Variants in NEK7 observed in about 807,000 individuals in gnomAD.
The protein encoded by NEK7 is NIMA related kinase 7, also known as serine/threonine-protein kinase Nek7.
Under a neutral mutation model 44.6 loss-of-function variants are expected in NEK7, and 18 were observed. The ratio of observed to expected loss-of-function variants is 0.40; its 90% confidence interval spans 0.28 to 0.60. NEK7 has a LOEUF of 0.60. Among genes scored for constraint, NEK7 ranks in the 20% least tolerant of loss-of-function variants. NEK7 has a pLI of 0.38. For missense variants in NEK7, 256 were observed against 366.5 expected, an observed-to-expected ratio of 0.70 and a Z score of 2.46; for synonymous variants, 130 against 121.1, an observed-to-expected ratio of 1.07 and a Z score of -0.48.
chr1:198,313,785 G>A (rs1655264406), intron 9 of NEK7, among the ~76,000 whole-genome samples: 1 of 150,234 alleles, frequency 6.7e-6, no homozygotes, highest in Non-Finnish European at 1.5e-5. Context: ...CTTCTGGCTT[G>A]TAGAGTTTCT....
In NEK7 at chr1:198,319,901, C is replaced by A. The variant is rs1376173857; in HGVS notation, c.*379C>A. 1 of 156,222 alleles carries A rather than the reference C, an allele frequency of 6.4e-6. No homozygotes were observed. Among genetic ancestry groups the A allele is most frequent in the Non-Finnish European group, 1.4e-5 (1 of 70,798 alleles). 9.7% of individuals were successfully genotyped at this position (156,222 alleles called of 1,614,324 possible). On this transcript the variant is annotated 3_prime_UTR_variant, in exon 10 of 10. Coordinates refer to ENST00000367385, the MANE Select transcript of NEK7 (RefSeq NM_133494.3). ...TCATACCTGAGAAAAAGTATCTGAA[C>A]ATGTGACTTGTTTCTTTTTTAGTAA...
chr1:198,240,025 G>A (rs1666639498), intron 2 of NEK7, among the ~76,000 whole-genome samples: 1 of 152,176 alleles, frequency 6.6e-6, no homozygotes, highest in Non-Finnish European at 1.5e-5. Context: ...TAAAAATATG[G>A]TTTTGTAATC....
chr1:198,190,299 A>G (rs9628685), intron 1 of NEK7, among the ~76,000 whole-genome samples: 1,975 of 152,164 alleles, frequency 0.013, 35 homozygotes, highest in African/African-American at 0.045. Flanking sequence ...AGACTCCTCT[A>G]AATTTCAGCG....
intron 5 of NEK7, among the ~76,000 whole-genome samples, chr1:198,272,854 C>A (rs1281924311): frequency 6.6e-6 from 1 of 151,566 alleles, no homozygotes; most frequent in Non-Finnish European, 1.5e-5. Flanking sequence ...ATTGATGTAC[C>A]AGTTTTCAGG....
At chr1:198,264,835 G>A (rs1442846643) in intron 5 of NEK7, among the ~76,000 whole-genome samples, 1 of 151,824 alleles carries the variant, frequency 6.6e-6, no homozygotes, top group African/African-American at 2.4e-5. Context: ...TTGTCCTTGG[G>A]CCAGTTACTT....
intron 2 of NEK7, among the ~76,000 whole-genome samples, chr1:198,239,809 T>G (rs1370095533): frequency 1.3e-5 from 2 of 152,182 alleles, no homozygotes; most frequent in African/African-American, 2.4e-5. Flanking sequence ...AACTGCATTG[T>G]CAGGCAAGTT....
chr1:198,247,947 C>T (rs1171018061), intron 2 of NEK7, among the ~76,000 whole-genome samples: 1 of 152,120 alleles, frequency 6.6e-6, no homozygotes, highest in East Asian at 1.9e-4. Context: ...AGAGTTTAAG[C>T]TGAATGTAAT....
rs553552717 is a variant in NEK7, at chr1:198,220,320, T to G, written c.-28-12233T>G. Among the ~76,000 whole-genome samples the G allele has an allele frequency of 5.3e-5, 8 of 152,094 alleles. No individual in the cohort carries two copies. The East Asian group carries it at 1.5e-3, about 29-fold the overall frequency. On this transcript the variant is annotated intron_variant, in intron 1 of 9. Coordinates refer to ENST00000367385, the MANE Select transcript of NEK7 (RefSeq NM_133494.3). ...TGTTTCAGACTCAGCTTGTTCTTTCTCAGCCTGAGTCCTAGAACCAATCAT... is the reference window on the plus strand; with the variant it reads ...TGTTTCAGACTCAGCTTGTTCTTTCGCAGCCTGAGTCCTAGAACCAATCAT...
At position 198,253,140 on chromosome 1, in the gene NEK7, G is replaced by T; in HGVS notation, c.158G>T (p.Cys53Phe). The change falls in exon 3 of 10, where the codon TGT becomes TTT. Residue 53 changes from cysteine to phenylalanine, a missense_variant. Physicochemically the swap from Cys to Phe is radical, Grantham distance 205. Transcript: ENST00000367385. ...TTTAGTGAAGTTTATAGAGCAGCCT[G>T]TCTCTTGGATGGAGTACCAGTAGCT... ...GQFSEVYRAA[C>F]LLDGVPVALK... 1 of 1,611,656 alleles carries T rather than the reference G, an allele frequency of 6.2e-7. No individual in the cohort carries two copies. The highest frequency in any genetic ancestry group is 8.5e-7 in the Non-Finnish European group (1 of 1,178,162).
In NEK7 at chr1:198,308,211, A is replaced by G. The variant is rs1486788305; in HGVS notation, c.798+10971A>G. On this transcript the variant is annotated intron_variant, in intron 9 of 9. Transcript: ENST00000367385. ...ACACATGAGTATTGAAGAGAAGCAT[A>G]CAATTAAAAATAATTGTTTAATATA... 2.0e-5 allele frequency among the ~76,000 whole-genome samples: 3 copies of G among 152,218 alleles called. No individual in the cohort carries two copies. The East Asian group carries it at 5.8e-4, about 29-fold the overall frequency.
intron 1 of NEK7, chr1:198,206,973 C>T (rs1489298791): frequency 6.6e-6 from 1 of 152,034 alleles, no homozygotes; most frequent in Non-Finnish European, 1.5e-5. Flanking sequence ...ATTTTAAGTC[C>T]ATTCTAATTC....
intron 2 of NEK7, among the ~76,000 whole-genome samples, chr1:198,246,991 CCTTT>C (rs1285807586): frequency 6.6e-6 from 1 of 152,136 alleles, no homozygotes; most frequent in African/African-American, 2.4e-5. Context: ...TTAAACAAAA[CCTTT>C]ATTTAAAGTT....
chr1:198,215,732 G>T (rs1665899618), intron 1 of NEK7, among the ~76,000 whole-genome samples: 1 of 152,054 alleles, frequency 6.6e-6, no homozygotes, highest in Admixed American at 6.5e-5. Flanking sequence ...CATGCAAATG[G>T]AAACTAAAAG....
At chr1:198,164,319 C>G (rs1378638344) in intron 1 of NEK7, among the ~76,000 whole-genome samples, 4 of 152,224 alleles carry the variant, frequency 2.6e-5, no homozygotes, top group African/African-American at 9.6e-5. Flanking sequence ...CGGTCTAGGG[C>G]CATACAGCCA....
chr1:198,264,100 T>C, intron 4 of NEK7, 25 bp from the exon 5 acceptor site: 1 of 1,570,898 alleles, frequency 6.4e-7, no homozygotes, highest in Non-Finnish European at 8.6e-7. Context: ...AAGAAAACTT[T>C]CTGATGCCTG....
rs151072177 is a variant in NEK7 at position 198,321,114 on chromosome 1, G to A, written c.*1592G>A. 233 of 152,252 alleles carry A rather than the reference G, an allele frequency of 1.5e-3. 1 individual carries two copies. The highest frequency in any genetic ancestry group is 5.4e-3 in the African/African-American group (223 of 41,552). The allele number at this position is 152,252 out of a possible 1,614,324, so 9.4% of individuals were successfully genotyped here. On this transcript the variant is annotated 3_prime_UTR_variant, in exon 10 of 10. Coordinates refer to ENST00000367385, the MANE Select transcript of NEK7 (RefSeq NM_133494.3). ...TTCCCTTTAGCCGATGTAACTGCTG[G>A]TTTTGTTTTTCATATGTGTTTTTCT...
intron 1 of NEK7, among the ~76,000 whole-genome samples, chr1:198,228,796 A>C (rs1174390215): frequency 6.6e-6 from 1 of 152,162 alleles, no homozygotes; most frequent in Non-Finnish European, 1.5e-5. Flanking sequence ...CTAGATATAC[A>C]ATCATGTCAT....
In NEK7 at chr1:198,167,388, C is replaced by T. The variant is rs371984596; in HGVS notation, c.-29+10112C>T. On this transcript the variant is annotated intron_variant, in intron 1 of 9. Transcript: ENST00000367385. Reference sequence around the variant, plus strand: ...CTTAACAGCAGATTTTAAGATTGTGCGGAGGTTGTGTCTGAGAGATAAAGG... The same window carrying T: ...CTTAACAGCAGATTTTAAGATTGTGTGGAGGTTGTGTCTGAGAGATAAAGG... Among the ~76,000 whole-genome samples the T allele has an allele frequency of 1.7e-4, 26 of 152,126 alleles. No individual in the cohort carries two copies. In the South Asian group the frequency reaches 4.6e-3, roughly 27 times the overall value.
At chr1:198,242,236 C>T (rs907871071) in intron 2 of NEK7, among the ~76,000 whole-genome samples, 2 of 152,060 alleles carry the variant, frequency 1.3e-5, no homozygotes, top group African/African-American at 4.8e-5. Flanking sequence ...TCTACTCATC[C>T]TCCTTCCCAG....
Sources: gnomAD v4.1 joint callset for allele counts (sites outside exome capture counted in the v4.1 genomes callset) on GRCh38, gnomAD v4.1.1 for gene constraint, MANE v1.5 for transcripts, NCBI Gene and HGNC (gene_info 2026-07-23, HGNC 2026-07-21) for gene names.